Variants in DTNB observed in about 807,000 individuals in gnomAD.
DTNB encodes the protein DTN-B.
DTNB carries 63 observed loss-of-function variants against 90.7 expected under a neutral mutation model. The ratio of observed to expected loss-of-function variants is 0.69; its 90% confidence interval spans 0.57 to 0.86. The LOEUF is 0.86. Among genes scored for constraint, DTNB ranks in the 40% least tolerant of loss-of-function variants. The probability of loss-of-function intolerance (pLI) is 0.00; values close to 1 mark genes in which losing one functional copy is unlikely to be tolerated. For missense variants in DTNB, 744 were observed against 807.1 expected, an observed-to-expected ratio of 0.92 and a Z score of 0.95; for synonymous variants, 277 against 286.7, an observed-to-expected ratio of 0.97 and a Z score of 0.34.
At chr2:25,659,679 A>G (rs1381682678) in intron 1 of DTNB, among the ~76,000 whole-genome samples, 1 of 152,272 alleles carries the variant, frequency 6.6e-6, no homozygotes, top group African/African-American at 2.4e-5. Context: ...CAAAAGCTAC[A>G]AATTGCCAGA....
At chr2:25,401,627 T>C (rs953702655) in intron 16 of DTNB, among the ~76,000 whole-genome samples, 1 of 152,230 alleles carries the variant, frequency 6.6e-6, no homozygotes, top group Non-Finnish European at 1.5e-5. Context: ...TTTTTCCTCA[T>C]GGAATAGGGA....
At chr2:25,490,049 G>A (rs1021792623) in intron 9 of DTNB, among the ~76,000 whole-genome samples, 1 of 152,250 alleles carries the variant, frequency 6.6e-6, no homozygotes, top group Admixed American at 6.5e-5. Flanking sequence ...GCCAAGGCAG[G>A]AGGATCGCTT....
chr2:25,587,808 C>T (rs1004818598), intron 6 of DTNB, among the ~76,000 whole-genome samples: 5 of 152,138 alleles, frequency 3.3e-5, no homozygotes, highest in African/African-American at 1.2e-4. Context: ...GGCCTCATTA[C>T]TATAGAGACC....
rs549949954 is a variant in DTNB at position 25,663,669 on chromosome 2, G to A, written c.-2+9717C>T. Reference sequence around the variant, plus strand: ...CCATATATTTTATTATTGAAACAGAGTATACCAAATACCATAAGCTCTGTA... The same window carrying A: ...CCATATATTTTATTATTGAAACAGAATATACCAAATACCATAAGCTCTGTA... On this transcript the variant is annotated intron_variant, in intron 1 of 20. Coordinates refer to ENST00000406818, the MANE Select transcript of DTNB (RefSeq NM_021907.5). 2.6e-5 allele frequency among the ~76,000 whole-genome samples: 4 copies of A among 152,232 alleles called. No homozygotes were observed. In the South Asian group the frequency reaches 6.2e-4, roughly 24 times the overall value.
chr2:25,426,351 G>A (rs1439921606), intron 15 of DTNB, among the ~76,000 whole-genome samples: 1 of 152,144 alleles, frequency 6.6e-6, no homozygotes, highest in Non-Finnish European at 1.5e-5. Context: ...AGAAGAAATC[G>A]CTTGGGTGTA....
intron 9 of DTNB, among the ~76,000 whole-genome samples, chr2:25,492,199 A>G (rs1042489904): frequency 2.0e-5 from 3 of 152,192 alleles, no homozygotes; most frequent in African/African-American, 7.2e-5. Flanking sequence ...CCCTTTCCCC[A>G]TCATATTATT....
At chr2:25,606,962 A>T (rs2067242438) in intron 5 of DTNB, among the ~76,000 whole-genome samples, 1 of 152,218 alleles carries the variant, frequency 6.6e-6, no homozygotes, top group African/African-American at 2.4e-5. Flanking sequence ...TAATGTGGAA[A>T]ACATTTCTAA....
chr2:25,389,541 G>A (rs925874159), intron 16 of DTNB, among the ~76,000 whole-genome samples: 13 of 152,230 alleles, frequency 8.5e-5, no homozygotes, highest in Non-Finnish European at 5.9e-5. Flanking sequence ...ACTAATCAAG[G>A]GCCGCTCACT....
intron 4 of DTNB, among the ~76,000 whole-genome samples, chr2:25,616,111 G>A (rs1309152302): frequency 6.6e-6 from 1 of 152,164 alleles, no homozygotes; most frequent in Admixed American, 6.5e-5. Context: ...CCTTCAAAGA[G>A]ACAAAACTGT....
At chr2:25,608,781 GA>G (rs1016714279) in intron 4 of DTNB, among the ~76,000 whole-genome samples, 3 of 150,064 alleles carry the variant, frequency 2.0e-5, no homozygotes, top group Admixed American at 1.3e-4. Flanking sequence ...TACAAAGAAG[GA>G]AAAAAAAACA....
intron 4 of DTNB, among the ~76,000 whole-genome samples, chr2:25,621,330 T>C (rs114174841): frequency 0.012 from 1,792 of 152,336 alleles, 44 homozygotes; most frequent in African/African-American, 0.04. Flanking sequence ...TTTGCTTTTA[T>C]TTGAAATGGA....
chr2:25,634,368 G>T (rs1320400777), intron 3 of DTNB, among the ~76,000 whole-genome samples: 1 of 133,816 alleles, frequency 7.5e-6, no homozygotes, highest in Non-Finnish European at 1.6e-5. Flanking sequence ...CAGCCGCCCC[G>T]TCCGGGAGGG....
At chr2:25,479,154 C>T (rs1298271015) in intron 10 of DTNB, among the ~76,000 whole-genome samples, 4 of 152,202 alleles carry the variant, frequency 2.6e-5, no homozygotes, top group African/African-American at 7.2e-5. Context: ...GCTTTTGTTA[C>T]TTCCACAGTT....
intron 16 of DTNB, among the ~76,000 whole-genome samples, chr2:25,411,284 G>A (rs941477175): frequency 8.6e-5 from 13 of 151,788 alleles, no homozygotes; most frequent in African/African-American, 2.2e-4. Context: ...ACTTGAACCC[G>A]GGATGCAGAG....
At chr2:25,447,229 G>A (rs1321913671) in intron 12 of DTNB, among the ~76,000 whole-genome samples, 1 of 152,178 alleles carries the variant, frequency 6.6e-6, no homozygotes, top group East Asian at 1.9e-4. Context: ...AGGGGTTCAA[G>A]TTTAGTTGGA....
At position 25,479,839 on chromosome 2, in the gene DTNB, C is replaced by T. The variant is rs534464951; in HGVS notation, c.1079+2957G>A. ...TGTTGTTGTCTCATTCAGTGATTGA[C>T]GTCTTAGGATGAGTTCTAAAAGAAA... On this transcript the variant is annotated intron_variant, in intron 10 of 20. Coordinates refer to ENST00000406818, the MANE Select transcript of DTNB (RefSeq NM_021907.5). Among the ~76,000 whole-genome samples, 27 of 152,268 alleles carry T rather than the reference C, an allele frequency of 1.8e-4. No individual in the cohort carries two copies. The South Asian group carries it at 4.6e-3, about 26-fold the overall frequency.
At chr2:25,649,468 G>A (rs1391341417) in intron 2 of DTNB, among the ~76,000 whole-genome samples, 2 of 152,092 alleles carry the variant, frequency 1.3e-5, no homozygotes, top group African/African-American at 2.4e-5. Flanking sequence ...TAATCCCAGC[G>A]TTTTGGGAGG....
At chr2:25,481,382 G>A (rs976753917) in intron 10 of DTNB, among the ~76,000 whole-genome samples, 3 of 149,990 alleles carry the variant, frequency 2.0e-5, no homozygotes, top group Non-Finnish European at 4.4e-5. Flanking sequence ...TCCAGCCTGG[G>A]TGACAGACAG....
chr2:25,510,657 G>A (rs1253168885), intron 9 of DTNB, among the ~76,000 whole-genome samples: 3 of 151,904 alleles, frequency 2.0e-5, no homozygotes, highest in Admixed American at 6.6e-5. Flanking sequence ...ACAGGCACCC[G>A]CCACCACACC....
Sources: gnomAD v4.1 joint callset for allele counts (sites outside exome capture counted in the v4.1 genomes callset) on GRCh38, gnomAD v4.1.1 for gene constraint, MANE v1.5 for transcripts, NCBI Gene and HGNC (gene_info 2026-07-23, HGNC 2026-07-21) for gene names.